OR1E2: variants seen among roughly 807,000 people sequenced by gnomAD.
OR1E2 encodes the protein olfactory receptor 1E2.
Under a neutral mutation model 5.6 loss-of-function variants are expected in OR1E2, and 6 were observed. The observed-to-expected ratio is 1.08, with a 90% CI of 0.59 to 2.12. The LOEUF (loss-of-function observed/expected upper bound fraction) is 2.12. OR1E2 is among the 30% of genes most tolerant of loss of function. The probability of loss-of-function intolerance (pLI) is 0.00; values close to 1 mark genes in which losing one functional copy is unlikely to be tolerated. For synonymous variants in OR1E2, 135 were observed against 157.4 expected (o/e 0.86, Z 1.06); for missense variants, 344 against 391.4 (o/e 0.88, Z 1.02).
Position 3,433,478 on chromosome 17 carries a change from G to T in OR1E2, c.364C>A (p.Arg122Ser). 1 of 1,614,086 alleles carries T rather than the reference G, an allele frequency of 6.2e-7. No homozygotes were observed. Among genetic ancestry groups the T allele is most frequent in the Non-Finnish European group, 8.5e-7 (1 of 1,180,028 alleles). ...SFLLVAMAYD[R>S]YVAICFPMHY... is the part of the protein sequence containing the mutation. Reference sequence around the variant, plus strand: ...ATGGGGAAGCAGATGGCCACATAGCGGTCATAGGCCATGGCCACAAGGAGG... The same window carrying T: ...ATGGGGAAGCAGATGGCCACATAGCTGTCATAGGCCATGGCCACAAGGAGG... Residue 122 changes from arginine to serine, a missense_variant, in exon 1 of 1, where the codon CGC (arginine) becomes AGC (serine). By Grantham distance (110) the Arg-to-Ser change is moderately radical. Transcript: ENST00000248384.
Position 3,432,955 on chromosome 17 carries a change from G to C in OR1E2, c.887C>G (p.Pro296Arg), listed in dbSNP as rs376349048. The C allele has an allele frequency of 6.2e-7, 1 of 1,613,846 alleles. No individual in the cohort carries two copies. Among genetic ancestry groups the C allele is most frequent in the African/African-American group, 1.3e-5 (1 of 74,900 alleles). The change falls in exon 1 of 1, where the codon CCC becomes CGC. Residue 296 changes from proline to arginine, a missense_variant. Transcript: ENST00000248384. ...MYTVVTPMLT[P>R]FIYSLRNRDM... The stretch of plus-strand genomic sequence containing the variant: ...TCTGTTCCTCAGGCTGTAGATGAAG[G>C]GGGTCAGCATAGGGGTCACCACAGT...
In OR1E2 at chr17:3,433,190, T is replaced by C. The variant is rs940337368; in HGVS notation, c.652A>G (p.Ile218Val). 1 of 1,613,864 alleles carries C rather than the reference T, an allele frequency of 6.2e-7. No individual in the cohort carries two copies. Among genetic ancestry groups the C allele is most frequent in the East Asian group, 2.2e-5 (1 of 44,874 alleles). Reference sequence around the variant, plus strand: ...GACCCAAGGATGAGTAGGAATGGGATGACAAGAATGAGCCCTCCCATGATA... The same window carrying C: ...GACCCAAGGATGAGTAGGAATGGGACGACAAGAATGAGCCCTCCCATGATA... ...IFIMGGLILV[I>V]PFLLILGSYA... Residue 218 changes from isoleucine (I) to valine (V), a missense_variant, in exon 1 of 1, where the codon ATC (isoleucine) becomes GTC (valine). Physicochemically the swap from Ile to Val is conservative, Grantham distance 29. Coordinates refer to ENST00000248384, the MANE Select transcript of OR1E2 (RefSeq NM_003554.2).
rs751506022 is a variant in OR1E2, at chr17:3,433,534, A to T, written c.308T>A (p.Phe103Tyr). 5 of 1,613,884 alleles carry T rather than the reference A, an allele frequency of 3.1e-6. No individual in the cohort carries two copies. Among genetic ancestry groups the T allele is most frequent in the Admixed American group, 1.7e-5 (1 of 59,994 alleles). ...CTCTAGATCCGAAAAATACAAGAAG[A>T]AGTACATTTGGGTCAGGCAGTCTGC... ...PYADCLTQMYFFLYFSDLESF... is the reference protein window; with the variant it reads ...PYADCLTQMYYFLYFSDLESF... Residue 103 changes from phenylalanine to tyrosine, a missense_variant, in exon 1 of 1, where the codon TTC becomes TAC. Physicochemically the swap from Phe to Tyr is conservative, Grantham distance 22. Coordinates refer to ENST00000248384, the MANE Select transcript of OR1E2 (RefSeq NM_003554.2).
Position 3,433,653 on chromosome 17 carries a change from G to C in OR1E2, c.189C>G (p.Leu63=), listed in dbSNP as rs754878928. 1.9e-6 allele frequency: 3 copies of C among 1,614,226 alleles called. No individual in the cohort carries two copies. The highest frequency in any genetic ancestry group is 2.5e-6 in the Non-Finnish European group (3 of 1,180,044). ...SHLHTPVYLF[L]SNLSFSDLCF... is the part of the protein sequence containing the mutation. ...AGAGGTCAGAGAAGGACAAGTTGCT[G>C]AGAAACAAATACACAGGCGTGTGGA... The change falls in exon 1 of 1, where the codon CTC becomes CTG. Residue 63 remains leucine, a synonymous_variant. Coordinates refer to ENST00000248384, the MANE Select transcript of OR1E2 (RefSeq NM_003554.2).
In OR1E2 at chr17:3,433,727, G is replaced by T; in HGVS notation, c.115C>A (p.Leu39Ile). 1 of 1,614,152 alleles carries T rather than the reference G, an allele frequency of 6.2e-7. No homozygotes were observed. The highest frequency in any genetic ancestry group is 1.3e-5 in the African/African-American group (1 of 75,032). The change falls in exon 1 of 1, where the codon CTC (leucine) becomes ATC (isoleucine). Residue 39 changes from leucine (L) to isoleucine (I), a missense_variant. Coordinates refer to ENST00000248384, the MANE Select transcript of OR1E2 (RefSeq NM_003554.2). ...ACAATGATGAGGAGGTTCCCCAGGA[G>T]GGTGGTAAGATACATGGCCAAGAAC... The part of the protein sequence containing the change: ...ALFLAMYLTT[L>I]LGNLLIIVLI...
In OR1E2 at chr17:3,433,291, G is replaced by A. The variant is rs1597379224; in HGVS notation, c.551C>T (p.Pro184Leu). 1 of 1,613,492 alleles carries A rather than the reference G, an allele frequency of 6.2e-7. No individual in the cohort carries two copies. Among genetic ancestry groups the A allele is most frequent in the South Asian group, 1.1e-5 (1 of 90,514 alleles). The change falls in exon 1 of 1, where the codon CCC (proline) becomes CTC (leucine). Residue 184 changes from proline (P) to leucine (L), a missense_variant. By Grantham distance (98) the Pro-to-Leu change is moderately conservative (BLOSUM62 -3). Coordinates refer to ENST00000248384, the MANE Select transcript of OR1E2 (RefSeq NM_003554.2). ...RLCFCADNVIPHFFCDMSALL... is the reference protein window; with the variant it reads ...RLCFCADNVILHFFCDMSALL... ...AGCAGACATATCACAGAAAAAGTGG[G>A]GGATCACATTGTCTGCACAAAAACA...
Position 3,433,235 on chromosome 17 carries a change from C to G in OR1E2, c.607G>C (p.Val203Leu). The G allele has an allele frequency of 6.2e-7, 1 of 1,613,974 alleles. No individual in the cohort carries two copies. Among genetic ancestry groups the G allele is most frequent in the Non-Finnish European group, 8.5e-7 (1 of 1,179,920 alleles). ...ATGATAAATATCACCCATTCATTAA[C>G]TCGAGTGTCAGAGCAGGCCAGCTTC... ...LLKLACSDTR[V>L]NEWVIFIMGG... The change falls in exon 1 of 1, where the codon GTT becomes CTT. Residue 203 changes from valine to leucine, a missense_variant. Coordinates refer to ENST00000248384, the MANE Select transcript of OR1E2 (RefSeq NM_003554.2).
Position 3,433,049 on chromosome 17 carries a change from T to C in OR1E2, c.793A>G (p.Ile265Val), listed in dbSNP as rs370152490. Residue 265 changes from isoleucine to valine, a missense_variant, in exon 1 of 1, where the codon ATT (isoleucine) becomes GTT (valine). By Grantham distance (29) the Ile-to-Val change is conservative. Transcript: ENST00000248384. Reference protein sequence around the residue: ...SVVSLFYGTVIGLYLCPSANS... With the variant: ...SVVSLFYGTVVGLYLCPSANS... Reference sequence around the variant, plus strand: ...GCTGATGGGCATAAGTAGAGACCAATAACGGTCCCATAGAACAGTGACACC... The same window carrying C: ...GCTGATGGGCATAAGTAGAGACCAACAACGGTCCCATAGAACAGTGACACC... The C allele has an allele frequency of 1.2e-5, 20 of 1,613,672 alleles. No individual in the cohort carries two copies. Among genetic ancestry groups the C allele is most frequent in the Admixed American group, 1.7e-5 (1 of 59,982 alleles).
rs772543041 is a variant in OR1E2, at chr17:3,433,694, G to T, written c.148C>A (p.Arg50=). Reference sequence around the variant, plus strand: ...GGCGTGTGGAGATGGGAGTCCAGTCGAATGAGGACAATGATGAGGAGGTTC... The same window carrying T: ...GGCGTGTGGAGATGGGAGTCCAGTCTAATGAGGACAATGATGAGGAGGTTC... The part of the protein sequence containing the change: ...LGNLLIIVLI[R]LDSHLHTPVY... The change falls in exon 1 of 1, where the codon CGA becomes AGA. Residue 50 remains arginine (R), a synonymous_variant. Coordinates refer to ENST00000248384, the MANE Select transcript of OR1E2 (RefSeq NM_003554.2). 2.5e-6 allele frequency: 4 copies of T among 1,614,142 alleles called. No individual in the cohort carries two copies. In the South Asian group the frequency reaches 3.3e-5, roughly 13 times the overall value.
chr17:3,433,557 T>C lies in OR1E2; in HGVS notation c.285A>G (p.Ala95=), dbSNP rs755718519. The C allele has an allele frequency of 7.4e-6, 12 of 1,614,076 alleles. No homozygotes were observed. The highest frequency in any genetic ancestry group is 4.5e-5 in the East Asian group (2 of 44,892). The change falls in exon 1 of 1, where the codon GCA becomes GCG. Residue 95 remains alanine (A), a synonymous_variant. Transcript: ENST00000248384. Reference sequence around the variant, plus strand: ...AGAAGTACATTTGGGTCAGGCAGTCTGCATAGGGGATGGATGGGTCTTGGT... The same window carrying C: ...AGAAGTACATTTGGGTCAGGCAGTCCGCATAGGGGATGGATGGGTCTTGGT... ...MQNQDPSIPY[A]DCLTQMYFFL... is the part of the protein sequence containing the mutation.
In OR1E2 at chr17:3,432,871, C is replaced by T; in HGVS notation, c.971G>A (p.Ter324=). 1 of 1,600,674 alleles carries T rather than the reference C, an allele frequency of 6.2e-7. No homozygotes were observed. Among genetic ancestry groups the T allele is most frequent in the Non-Finnish European group, 8.5e-7 (1 of 1,173,642 alleles). ...ATATAAGACTCCCAAGTATTACTGT[C>T]ATAGAAGGAAGGGATTTTTCCTTTT... ...ICKRKNPFLL[*] is the part of the protein sequence containing the mutation. Residue 324 remains the stop codon, a stop_retained_variant, in exon 1 of 1, where the codon TGA becomes TAA. Transcript: ENST00000248384.
In OR1E2 at chr17:3,433,130, G is replaced by T; in HGVS notation, c.712C>A (p.Pro238Thr). 6.2e-7 allele frequency: 1 copy of T among 1,613,870 alleles called. No individual in the cohort carries two copies. Among genetic ancestry groups the T allele is most frequent in the Non-Finnish European group, 8.5e-7 (1 of 1,179,866 alleles). Residue 238 changes from proline (P) to threonine (T), a missense_variant, in exon 1 of 1, where the codon CCT becomes ACT. Transcript: ENST00000248384. ...GCCTTGCAGATACCCTTAGAAGAAG[G>T]GACCTTGAGGATGGAGGAGACAATT... Reference protein sequence around the residue: ...ARIVSSILKVPSSKGICKAFS... With the variant: ...ARIVSSILKVTSSKGICKAFS...
In OR1E2 at chr17:3,433,217, A is replaced by G; in HGVS notation, c.625T>C (p.Phe209Leu). 1 of 1,613,638 alleles carries G rather than the reference A, an allele frequency of 6.2e-7. No homozygotes were observed. The highest frequency in any genetic ancestry group is 1.3e-5 in the African/African-American group (1 of 75,044). ...SDTRVNEWVI[F>L]IMGGLILVIP... is the part of the protein sequence containing the mutation. ...ACAAGAATGAGCCCTCCCATGATAA[A>G]TATCACCCATTCATTAACTCGAGTG... Residue 209 changes from phenylalanine (F) to leucine (L), a missense_variant, in exon 1 of 1, where the codon TTT becomes CTT. Physicochemically the swap from Phe to Leu is conservative, Grantham distance 22. Transcript: ENST00000248384.
Position 3,432,927 on chromosome 17 carries a change from G to A in OR1E2, c.915C>T (p.Asp305=), listed in dbSNP as rs2072508127. The change falls in exon 1 of 1, where the codon GAC becomes GAT. Residue 305 remains aspartate (D), a synonymous_variant. Transcript: ENST00000248384. ...TGACCCTTTCCAGGGCTCCCTTCAT[G>A]TCTCTGTTCCTCAGGCTGTAGATGA... is the stretch of plus-strand genomic sequence containing the variant. ...TPFIYSLRNR[D]MKGALERVIC... is the part of the protein sequence containing the mutation. 1.2e-6 allele frequency: 2 copies of A among 1,613,646 alleles called. No homozygotes were observed. Among genetic ancestry groups the A allele is most frequent in the Admixed American group, 1.7e-5 (1 of 59,956 alleles).
In OR1E2 at chr17:3,433,569, G is replaced by T. The variant is rs1175206193; in HGVS notation, c.273C>A (p.Ser91=). The T allele has an allele frequency of 3.7e-6, 6 of 1,614,082 alleles. No individual in the cohort carries two copies. The Admixed American group carries it at 1.0e-4, about 27-fold the overall frequency. The change falls in exon 1 of 1, where the codon TCC becomes TCA. Residue 91 remains serine (S), a synonymous_variant. Transcript: ENST00000248384. Reference sequence around the variant, plus strand: ...GGGTCAGGCAGTCTGCATAGGGGATGGATGGGTCTTGGTTCTGCATGTTCT... The same window carrying T: ...GGGTCAGGCAGTCTGCATAGGGGATTGATGGGTCTTGGTTCTGCATGTTCT... ...LLQNMQNQDP[S]IPYADCLTQM... is the part of the protein sequence containing the mutation.
In OR1E2 at chr17:3,433,015, G is replaced by C. The variant is rs1305955478; in HGVS notation, c.827C>G (p.Ser276Cys). Residue 276 changes from serine (S) to cysteine (C), a missense_variant, in exon 1 of 1, where the codon TCT becomes TGT. Ser to Cys is a moderately radical substitution (Grantham distance 112). Transcript: ENST00000248384. ...GLYLCPSANSSTLKDTVMAMM... is the reference protein window; with the variant it reads ...GLYLCPSANSCTLKDTVMAMM... Reference sequence around the variant, plus strand: ...AGCCATGACAGTGTCCTTTAGAGTAGAACTATTAGCTGATGGGCATAAGTA... The same window carrying C: ...AGCCATGACAGTGTCCTTTAGAGTACAACTATTAGCTGATGGGCATAAGTA... 6.2e-7 allele frequency: 1 copy of C among 1,613,910 alleles called. No homozygotes were observed. The highest frequency in any genetic ancestry group is 8.5e-7 in the Non-Finnish European group (1 of 1,179,972).
Position 3,433,383 on chromosome 17 carries a change from C to A in OR1E2, c.459G>T (p.Val153=), listed in dbSNP as rs766398407. ...AIMSPMLCLS[V]VALSWVLTTF... ...TGGTCAGCACCCAGGACAGCGCCAC[C>A]ACGGAGAGACAGAGCATGGGGCTCA... Residue 153 remains valine, a synonymous_variant, in exon 1 of 1, where the codon GTG becomes GTT. Transcript: ENST00000248384. 1.2e-6 allele frequency: 2 copies of A among 1,613,834 alleles called. No individual in the cohort carries two copies. The highest frequency in any genetic ancestry group is 1.7e-6 in the Non-Finnish European group (2 of 1,179,812).
At position 3,433,551 on chromosome 17, in the gene OR1E2, G is replaced by A. The variant is rs2640077; in HGVS notation, c.291C>T (p.Cys97=). 3.4e-5 allele frequency: 55 copies of A among 1,614,072 alleles called. No homozygotes were observed. The highest frequency in any genetic ancestry group is 4.5e-5 in the Non-Finnish European group (53 of 1,180,034). The change falls in exon 1 of 1, where the codon TGC becomes TGT. Residue 97 remains cysteine (C), a synonymous_variant. Transcript: ENST00000248384. ...NQDPSIPYAD[C]LTQMYFFLYF... is the part of the protein sequence containing the mutation. ...ACAAGAAGAAGTACATTTGGGTCAG[G>A]CAGTCTGCATAGGGGATGGATGGGT... is the stretch of plus-strand genomic sequence containing the variant.
Position 3,433,237 on chromosome 17 carries a change from C to A in OR1E2, c.605G>T (p.Arg202Leu). The change falls in exon 1 of 1, where the codon CGA becomes CTA. Residue 202 changes from arginine (R) to leucine (L), a missense_variant. Transcript: ENST00000248384. Reference sequence around the variant, plus strand: ...GATAAATATCACCCATTCATTAACTCGAGTGTCAGAGCAGGCCAGCTTCAG... The same window carrying A: ...GATAAATATCACCCATTCATTAACTAGAGTGTCAGAGCAGGCCAGCTTCAG... ...ALLKLACSDT[R>L]VNEWVIFIMG... The A allele has an allele frequency of 6.2e-7, 1 of 1,613,122 alleles. No individual in the cohort carries two copies. The highest frequency in any genetic ancestry group is 2.2e-5 in the East Asian group (1 of 44,884).
Sources: gnomAD v4.1 joint callset for allele counts on GRCh38, gnomAD v4.1.1 for gene constraint, MANE v1.5 for transcripts, NCBI Gene and HGNC (gene_info 2026-07-23, HGNC 2026-07-21) for gene names.